The following GABRB1 variants were observed in gnomAD, a reference collection of about 807,000 sequenced individuals.
GABRB1 encodes the protein gamma-aminobutyric acid type A receptor subunit beta1, also known as gamma-aminobutyric acid receptor subunit beta-1.
GABRB1 carries 17 observed loss-of-function variants against 51.6 expected under a neutral mutation model. The observed-to-expected ratio is 0.33, with a 90% CI of 0.23 to 0.49. The LOEUF is 0.49. GABRB1 is among the 20% of genes least tolerant of loss of function. The pLI, the probability that GABRB1 is intolerant of heterozygous loss-of-function variation, is 0.99. For synonymous variants in GABRB1, 247 were observed against 218.9 expected, an observed-to-expected ratio of 1.13 and a Z score of -1.14; for missense variants, 410 against 600.6, an observed-to-expected ratio of 0.68 and a Z score of 3.32.
intron 4 of GABRB1, among the ~76,000 whole-genome samples, chr4:47,195,453 AG>A: frequency 1.2e-5 from 1 of 83,374 alleles, no homozygotes; most frequent in East Asian, 3.9e-4. Context: ...GATGATAGAT[AG>A]ATTAGATGAT....
At chr4:47,348,538 C>T (rs1336351441) in intron 5 of GABRB1, among the ~76,000 whole-genome samples, 3 of 152,086 alleles carry the variant, frequency 2.0e-5, no homozygotes, top group Non-Finnish European at 2.9e-5. Context: ...GCTTGGGTTC[C>T]CTCCCCTAGA....
At chr4:47,195,366 AAAAT>A (rs955133925) in intron 4 of GABRB1, among the ~76,000 whole-genome samples, 3 of 125,560 alleles carry the variant, frequency 2.4e-5, no homozygotes, top group East Asian at 4.3e-4. Flanking sequence ...ACTCCGTCTC[AAAAT>A]AAATAAATAG....
intron 4 of GABRB1, among the ~76,000 whole-genome samples, chr4:47,258,013 A>G (rs559647570): frequency 1.3e-5 from 2 of 152,158 alleles, no homozygotes; most frequent in Non-Finnish European, 2.9e-5. Flanking sequence ...AAACTTGTAC[A>G]TGATGTAGAG....
At chr4:47,089,947 A>G (rs540121195) in intron 3 of GABRB1, among the ~76,000 whole-genome samples, 1 of 152,330 alleles carries the variant, frequency 6.6e-6, no homozygotes, top group Non-Finnish European at 1.5e-5. Flanking sequence ...GCAAGTAACA[A>G]ATTTAGGGCA....
At chr4:47,354,912 C>T (rs1210583761) in intron 5 of GABRB1, among the ~76,000 whole-genome samples, 1 of 5,982 alleles carries the variant, frequency 1.7e-4, no homozygotes, top group Non-Finnish European at 2.5e-4. Flanking sequence ...TACCTGCCTG[C>T]CTGCCTGCCT....
Position 47,047,643 on chromosome 4 carries a change from C to T in GABRB1, c.240+15159C>T, listed in dbSNP as rs567316876. Among the ~76,000 whole-genome samples the T allele has an allele frequency of 2.2e-4, 33 of 152,126 alleles. No individual in the cohort carries two copies. The South Asian group carries it at 6.4e-3, about 30-fold the overall frequency. ...TATGGTTAATACTAGAAATTGGGTC[C>T]TAGGAAGAAATGCATTAGCAATTAA... On this transcript the variant is annotated intron_variant, in intron 3 of 8. Transcript: ENST00000295454.
At chr4:47,423,756 CTTG>C (rs1729169347) in intron 8 of GABRB1, among the ~76,000 whole-genome samples, 1 of 152,140 alleles carries the variant, frequency 6.6e-6, no homozygotes, top group South Asian at 2.1e-4. Flanking sequence ...AAATTTGGTA[CTTG>C]TTGTTTAATC....
Position 47,357,640 on chromosome 4 carries a change from C to CAG in GABRB1, c.544+37432_544+37433dup, listed in dbSNP as rs1162698824. On this transcript the variant is annotated intron_variant, in intron 5 of 8. Transcript: ENST00000295454. ...TGGTACAAGAGAAGCCCCATAACAG[C>CAG]AGCTTCTAAAGTGGTTCTGGGGTCC... Among the ~76,000 whole-genome samples the CAG allele has an allele frequency of 2.6e-5, 4 of 152,206 alleles. No homozygotes were observed. The East Asian group carries it at 7.7e-4, about 29-fold the overall frequency.
intron 4 of GABRB1, among the ~76,000 whole-genome samples, chr4:47,224,697 A>G (rs1174219119): frequency 6.6e-6 from 1 of 152,166 alleles, no homozygotes; most frequent in South Asian, 2.1e-4. Context: ...AGCCAAAGCC[A>G]TTTAAAAGAC....
At chr4:47,034,527 A>C (rs963070933) in intron 3 of GABRB1, among the ~76,000 whole-genome samples, 1 of 152,190 alleles carries the variant, frequency 6.6e-6, no homozygotes, top group Non-Finnish European at 1.5e-5. Flanking sequence ...TTCTACTACA[A>C]TCCCCATTAC....
At chr4:47,222,694 G>A (rs1720809930) in intron 4 of GABRB1, among the ~76,000 whole-genome samples, 1 of 152,104 alleles carries the variant, frequency 6.6e-6, no homozygotes, top group African/African-American at 2.4e-5. Context: ...TGAGCTCAGA[G>A]CATCCCAAAT....
chr4:47,055,411 T>C (rs964631614), intron 3 of GABRB1, among the ~76,000 whole-genome samples: 1 of 152,214 alleles, frequency 6.6e-6, no homozygotes, highest in Non-Finnish European at 1.5e-5. Flanking sequence ...AGGAGCTCAG[T>C]AGTGGGCTTT....
chr4:47,254,286 C>A (rs1470063782), intron 4 of GABRB1, among the ~76,000 whole-genome samples: 1 of 150,524 alleles, frequency 6.6e-6, no homozygotes, highest in African/African-American at 2.4e-5. Context: ...AAATACTCAA[C>A]GGTTCTATAA....
At chr4:46,994,504 CAGAG>C (rs376168161) in intron 1 of GABRB1, 12,300 of 137,312 alleles carry the variant, frequency 0.09, 590 homozygotes, top group South Asian at 0.2. Context: ...GAGAGAGAGA[CAGAG>C]AGAGACAGAG....
chr4:47,363,029 T>TCC (rs79170278), intron 5 of GABRB1, among the ~76,000 whole-genome samples: 4 of 47,848 alleles, frequency 8.4e-5, no homozygotes, highest in Non-Finnish European at 1.8e-4. Context: ...CGTGTGTGTG[T>TCC]GTGTGTGTGT....
chr4:47,053,142 T>C (rs1726430060), intron 3 of GABRB1, among the ~76,000 whole-genome samples: 1 of 152,206 alleles, frequency 6.6e-6, no homozygotes, highest in Non-Finnish European at 1.5e-5. Context: ...GCTACAAATG[T>C]GTTACTAACC....
rs376406326 is a variant in GABRB1, at chr4:47,159,505, G to T, written c.241-1744G>T. Among the ~76,000 whole-genome samples, 61 of 49,254 alleles carry T rather than the reference G, an allele frequency of 1.2e-3. 1 individual carries two copies. Among genetic ancestry groups the T allele is most frequent in the African/African-American group, 7.1e-3 (61 of 8,600 alleles). 32.3% of individuals were successfully genotyped at this position (49,254 alleles called of 152,430 possible). ...AACTGAGGACTGTAAGTAGCCTGAG[G>T]GTTATTTTTTTTTTTTTACATGAAG... is the stretch of plus-strand genomic sequence containing the variant. On this transcript the variant is annotated intron_variant, in intron 3 of 8. Transcript: ENST00000295454.
chr4:47,406,972 G>C (rs1003137152), intron 8 of GABRB1, 46 bp downstream of exon 8: 1 of 1,560,776 alleles, frequency 6.4e-7, no homozygotes, highest in Admixed American at 1.7e-5. Flanking sequence ...AAATTTATCA[G>C]CATCATGATG....
At chr4:47,037,776 A>G (rs544663510) in intron 3 of GABRB1, among the ~76,000 whole-genome samples, 24 of 152,208 alleles carry the variant, frequency 1.6e-4, no homozygotes, top group African/African-American at 5.5e-4. Flanking sequence ...TCCTTTACTT[A>G]ATGCTATACA....
Sources: gnomAD v4.1 joint callset for allele counts (sites outside exome capture counted in the v4.1 genomes callset) on GRCh38, gnomAD v4.1.1 for gene constraint, MANE v1.5 for transcripts, NCBI Gene and HGNC (gene_info 2026-07-23, HGNC 2026-07-21) for gene names.